Variants in ZNF154 observed in about 807,000 individuals in gnomAD.
ZNF154 encodes zinc finger protein 154 (pHZ-92).
A neutral mutation model predicts 7.5 loss-of-function variants in ZNF154; 6 were observed. The ratio of observed to expected loss-of-function variants is 0.80; its 90% CI spans 0.44 to 1.57. The LOEUF (loss-of-function observed/expected upper bound fraction) is 1.57. Ranked by LOEUF, ZNF154 falls within the 40% of genes most tolerant of loss-of-function variation. The pLI is 0.01. For synonymous variants in ZNF154, 187 were observed against 185.9 expected, an observed-to-expected ratio of 1.01 and a Z score of -0.05; for missense variants, 485 against 531.4, an observed-to-expected ratio of 0.91 and a Z score of 0.86.
Position 57,699,328 on chromosome 19 carries a change from C to A in ZNF154, c.*2307G>T. 6.2e-6 allele frequency: 1 copy of A among 162,188 alleles called. No homozygotes were observed. Among genetic ancestry groups the A allele is most frequent in the South Asian group, 1.6e-4 (1 of 6,364 alleles). The allele number at this position is 162,188 out of a possible 1,614,324, so 10.0% of individuals were successfully genotyped here. A position where few individuals can be genotyped will look rare whatever the true frequency, so the allele number is the denominator to read the frequency against. ...GTCTCTAACTCCTGACCTTGTGATCCACCTACTTCAGCCTCCCAAAGTGCT... is the reference window on the plus strand; with the variant it reads ...GTCTCTAACTCCTGACCTTGTGATCAACCTACTTCAGCCTCCCAAAGTGCT... On this transcript the variant is annotated 3_prime_UTR_variant, in exon 3 of 3. Transcript: ENST00000684351.
chr19:57,697,188 AAT>A lies in ZNF154; in HGVS notation c.*4445_*4446del, dbSNP rs1984929596. Among the ~76,000 whole-genome samples, 3 of 152,286 alleles carry A rather than the reference AAT, an allele frequency of 2.0e-5. No homozygotes were observed. Among genetic ancestry groups the A allele is most frequent in the Non-Finnish European group, 4.4e-5 (3 of 68,024 alleles). ...TGCATCACATTCTGGTTTAATGCTTAATAAAAGCGTTTTCTGTCTCTACCTTC... is the reference window on the plus strand; with the variant it reads ...TGCATCACATTCTGGTTTAATGCTTAAAAAGCGTTTTCTGTCTCTACCTTC... On this transcript the variant is annotated 3_prime_UTR_variant, in exon 3 of 3. Coordinates refer to ENST00000684351, the MANE Select transcript of ZNF154 (RefSeq NM_001085384.3).
In ZNF154 at chr19:57,701,775, T is replaced by TC. The variant is rs1372572030; in HGVS notation, c.1173dup (p.Lys392GlufsTer11). The TC allele has an allele frequency of 6.2e-7, 1 of 1,614,132 alleles. No individual in the cohort carries two copies. The highest frequency in any genetic ancestry group is 8.5e-7 in the Non-Finnish European group (1 of 1,180,016). ...AGGCCGGAATTTTGAGTAAAGGATT[T>TC]CCCACATTCACTGCACTCATAGGGT... On this transcript the variant is annotated frameshift_variant, in exon 3 of 3. Coordinates refer to ENST00000684351, the MANE Select transcript of ZNF154 (RefSeq NM_001085384.3). LOFTEE classifies it low-confidence loss of function (END_TRUNC).
At chr19:57,705,224 C>A (rs766614534) in intron 1 of ZNF154, among the ~76,000 whole-genome samples, 2 of 152,176 alleles carry the variant, frequency 1.3e-5, no homozygotes, top group Non-Finnish European at 2.9e-5. Context: ...GGCCCTGCAG[C>A]TGTCACTTAC....
In ZNF154 at chr19:57,701,807, C is replaced by A. The variant is rs756405083; in HGVS notation, c.1142G>T (p.Gly381Val). The change falls in exon 3 of 3, where the codon GGA becomes GTA. Residue 381 changes from glycine to valine, a missense_variant. Gly to Val is a moderately radical substitution (Grantham distance 109). Coordinates refer to ENST00000684351, the MANE Select transcript of ZNF154 (RefSeq NM_001085384.3). ...TTCACTGCACTCATAGGGTCTTGAT[C>A]CAGTGTGAACTCTCTGGTGTTTTCG... ...SLRKHQRVHT[G>V]SRPYECSECG... 7 of 1,613,934 alleles carry A rather than the reference C, an allele frequency of 4.3e-6. No individual in the cohort carries two copies. The African/African-American group carries it at 8.0e-5, about 18-fold the overall frequency.
Position 57,709,000 on chromosome 19 carries a change from AGCG to A in ZNF154, c.-32_-30del, listed in dbSNP as rs10559485. Reference sequence around the variant, plus strand: ...ACTCTGCGGGTAGAGCTGGGCCGGGAGCGACGGGCGACATTGGTAGGGACCCGG... The same window carrying A: ...ACTCTGCGGGTAGAGCTGGGCCGGGAACGGGCGACATTGGTAGGGACCCGG... On this transcript the variant is annotated 5_prime_UTR_variant, in exon 1 of 3. Coordinates refer to ENST00000684351, the MANE Select transcript of ZNF154 (RefSeq NM_001085384.3). The A allele has an allele frequency of 6.1e-3, 9,411 of 1,554,094 alleles. 469 individuals carry two copies. The African/African-American group carries it at 0.11, about 18-fold the overall frequency.
rs1371087716 is a variant in ZNF154 at position 57,696,313 on chromosome 19, TTC to T, written c.*5320_*5321del. The stretch of plus-strand genomic sequence containing the variant: ...GTCAGGGGGTTCTAAGAAGCCCCAT[TTC>T]TCTTTCTCTTGTACCTTAAGACCTG... On this transcript the variant is annotated 3_prime_UTR_variant, in exon 3 of 3. Coordinates refer to ENST00000684351, the MANE Select transcript of ZNF154 (RefSeq NM_001085384.3). Among the ~76,000 whole-genome samples, 3 of 152,116 alleles carry T rather than the reference TTC, an allele frequency of 2.0e-5. No homozygotes were observed. Among genetic ancestry groups the T allele is most frequent in the Non-Finnish European group, 4.4e-5 (3 of 68,016 alleles).
chr19:57,701,913 G>T lies in ZNF154; in HGVS notation c.1036C>A (p.Gln346Lys). 6.2e-7 allele frequency: 1 copy of T among 1,612,058 alleles called. No homozygotes were observed. Among genetic ancestry groups the T allele is most frequent in the East Asian group, 2.2e-5 (1 of 44,750 alleles). ...TCCCCAGTGTGAACTCCCCGATGTT[G>T]AAGGAGTGCAGACCTTTGGCTAAAG... ...KSFSQRSALLQHRGVHTGERP... is the reference protein window; with the variant it reads ...KSFSQRSALLKHRGVHTGERP... The change falls in exon 3 of 3, where the codon CAA becomes AAA. Residue 346 changes from glutamine (Q) to lysine (K), a missense_variant. Coordinates refer to ENST00000684351, the MANE Select transcript of ZNF154 (RefSeq NM_001085384.3).
At chr19:57,708,504 C>T (rs796857516) in intron 1 of ZNF154, among the ~76,000 whole-genome samples, 4 of 152,010 alleles carry the variant, frequency 2.6e-5, no homozygotes. Context: ...ACCCGGGAGT[C>T]GGAGGTTGCA....
In ZNF154 at chr19:57,702,573, T is replaced by C. The variant is rs1408467066; in HGVS notation, c.376A>G (p.Ser126Gly). ...TTGTAATGAGTTTTTCCTCTGTGAC[T>C]GATGGCCCCACCGTCGCTTTTGCTA... ...SNSKSDGGAI[S>G]HRGKTHYNCG... The change falls in exon 3 of 3, where the codon AGT (serine) becomes GGT (glycine). Residue 126 changes from serine (S) to glycine (G), a missense_variant. Transcript: ENST00000684351. The C allele has an allele frequency of 6.2e-7, 1 of 1,614,064 alleles. No individual in the cohort carries two copies. The highest frequency in any genetic ancestry group is 8.5e-7 in the Non-Finnish European group (1 of 1,179,950).
chr19:57,702,346 G>C lies in ZNF154; in HGVS notation c.603C>G (p.Ser201Arg). 6.2e-7 allele frequency: 1 copy of C among 1,612,844 alleles called. No individual in the cohort carries two copies. The highest frequency in any genetic ancestry group is 8.5e-7 in the Non-Finnish European group (1 of 1,178,968). ...CRECGKSFRQ[S>R]SSLIQHRRVH... The stretch of plus-strand genomic sequence containing the variant: ...CTCTCCGGTGCTGAATGAGACTAGA[G>C]CTTTGCCTAAAGGACTTCCCACACT... Residue 201 changes from serine (S) to arginine (R), a missense_variant, in exon 3 of 3, where the codon AGC (serine) becomes AGG (arginine). Transcript: ENST00000684351.
chr19:57,704,733 A>G (rs969093731), intron 2 of ZNF154, 120 bp downstream of exon 2: 2 of 1,360,004 alleles, frequency 1.5e-6, no homozygotes, highest in Non-Finnish European at 1.0e-6. Context: ...AGAACTATGC[A>G]GGGAACTGAG....
rs1985164846 is a variant in ZNF154 at position 57,701,915 on chromosome 19, A to G, written c.1034T>C (p.Leu345Pro). The G allele has an allele frequency of 6.2e-7, 1 of 1,613,806 alleles. No individual in the cohort carries two copies. The highest frequency in any genetic ancestry group is 8.5e-7 in the Non-Finnish European group (1 of 1,179,976). Residue 345 changes from leucine to proline, a missense_variant, in exon 3 of 3, where the codon CTT becomes CCT. Physicochemically the swap from Leu to Pro is moderately conservative, Grantham distance 98. Coordinates refer to ENST00000684351, the MANE Select transcript of ZNF154 (RefSeq NM_001085384.3). ...GKSFSQRSAL[L>P]QHRGVHTGER... Reference sequence around the variant, plus strand: ...CCCAGTGTGAACTCCCCGATGTTGAAGGAGTGCAGACCTTTGGCTAAAGGA... The same window carrying G: ...CCCAGTGTGAACTCCCCGATGTTGAGGGAGTGCAGACCTTTGGCTAAAGGA...
chr19:57,705,027 G>A (rs1985331353), intron 1 of ZNF154, 48 bp from the exon 2 acceptor site: 1 of 1,570,312 alleles, frequency 6.4e-7, no homozygotes, highest in Non-Finnish European at 8.6e-7. Context: ...CTATCCCAAG[G>A]ACCCACAATG....
chr19:57,705,178 C>T (rs1269151008), intron 1 of ZNF154, among the ~76,000 whole-genome samples, 199 bp from the exon 2 acceptor site: 3 of 152,164 alleles, frequency 2.0e-5, no homozygotes, highest in African/African-American at 7.2e-5. Context: ...TGAAATCCCC[C>T]TGAAATGTCC....
In ZNF154 at chr19:57,709,049, G is replaced by C. The variant is rs1478903345; in HGVS notation, c.-78C>G. The C allele has an allele frequency of 2.0e-6, 3 of 1,536,866 alleles. No individual in the cohort carries two copies. The Admixed American group carries it at 5.9e-5, about 30-fold the overall frequency. On this transcript the variant is annotated 5_prime_UTR_variant, in exon 1 of 3. Coordinates refer to ENST00000684351, the MANE Select transcript of ZNF154 (RefSeq NM_001085384.3). ...CCCGGGGACAGCGGTCCCTATCCCA[G>C]GCCTGACGTGGGTCCCCCAGGGCGG... is the stretch of plus-strand genomic sequence containing the variant.
At chr19:57,702,982 C>T (rs1242580894) in intron 2 of ZNF154, among the ~76,000 whole-genome samples, 194 bp from the exon 3 acceptor site, 1 of 152,176 alleles carries the variant, frequency 6.6e-6, no homozygotes, top group Non-Finnish European at 1.5e-5. Context: ...AAGAAATGCT[C>T]TTGTCAGAAG....
At chr19:57,703,708 G>A (rs1421077234) in intron 2 of ZNF154, among the ~76,000 whole-genome samples, 1 of 151,848 alleles carries the variant, frequency 6.6e-6, no homozygotes. Context: ...GGCCTTCAAG[G>A]ACTGTTTAAG....
intron 2 of ZNF154, 31 bp from the exon 3 acceptor site, chr19:57,702,819 C>G (rs1437785266): frequency 1.3e-6 from 2 of 1,569,934 alleles, no homozygotes; most frequent in Admixed American, 1.7e-5. Flanking sequence ...TTCCCACATG[C>G]CCCACCTCTA....
chr19:57,702,298 A>G lies in ZNF154; in HGVS notation c.651T>C (p.His217=), dbSNP rs1029622436. Residue 217 remains histidine (H), a synonymous_variant, in exon 3 of 3, where the codon CAT becomes CAC. Transcript: ENST00000684351. ...ATAATTTTCCACATTCATCACATTCATGAGGTCGTACTGCAGTGTGAACTC... is the reference window on the plus strand; with the variant it reads ...ATAATTTTCCACATTCATCACATTCGTGAGGTCGTACTGCAGTGTGAACTC... ...HRRVHTAVRP[H]ECDECGKLFS... 4.3e-6 allele frequency: 7 copies of G among 1,612,944 alleles called. No individual in the cohort carries two copies. The African/African-American group carries it at 9.3e-5, about 22-fold the overall frequency.
Sources: allele counts gnomAD v4.1 joint callset (sites outside exome capture counted in the v4.1 genomes callset), GRCh38; gene constraint gnomAD v4.1.1; transcripts MANE v1.5; gene names NCBI Gene and HGNC (gene_info 2026-07-23, HGNC 2026-07-21).